The following TRHDE variants were observed in gnomAD, a reference collection of about 807,000 sequenced individuals.
TRHDE encodes thyrotropin releasing hormone degrading enzyme, also known as thyrotropin-releasing hormone-degrading ectoenzyme.
A neutral mutation model predicts 125.7 loss-of-function variants in TRHDE; 72 were observed. The ratio of observed to expected loss-of-function variants is 0.57; its 90% CI spans 0.47 to 0.70. The LOEUF is 0.70. Among genes scored for constraint, TRHDE ranks in the 30% least tolerant of loss-of-function variants. TRHDE has a pLI of 0.00. For synonymous variants in TRHDE, 509 were observed against 509.1 expected (o/e 1.00, Z 0.00); for missense variants, 1,110 against 1,327.1 (o/e 0.84, Z 2.54).
Position 72,652,309 on chromosome 12 carries a change from G to A in TRHDE, c.2676-13G>A. ...TTTAATTAACAGAAAACCACCATGGGTTGCTTCTTTAGAATACCACTAAAT... is the reference window on the plus strand; with the variant it reads ...TTTAATTAACAGAAAACCACCATGGATTGCTTCTTTAGAATACCACTAAAT... On this transcript the variant is annotated splice_polypyrimidine_tract_variant and intron_variant, in intron 15 of 18. Coordinates refer to ENST00000261180, the MANE Select transcript of TRHDE (RefSeq NM_013381.3). 1 of 1,414,564 alleles carries A rather than the reference G, an allele frequency of 7.1e-7. No individual in the cohort carries two copies. The highest frequency in any genetic ancestry group is 9.3e-7 in the Non-Finnish European group (1 of 1,074,502). 87.6% of individuals were successfully genotyped at this position (1,414,564 alleles called of 1,614,324 possible). A position where few individuals can be genotyped will look rare whatever the true frequency, so the allele number is the denominator to read the frequency against.
chr12:72,274,550 C>A (rs537839979), intron 1 of TRHDE: 56 of 152,264 alleles, frequency 3.7e-4, no homozygotes, highest in African/African-American at 1.3e-3. Context: ...GTGCTTATTG[C>A]ACGCCCATGT....
At chr12:72,634,705 T>A (rs1479305433) in intron 15 of TRHDE, among the ~76,000 whole-genome samples, 1 of 132,698 alleles carries the variant, frequency 7.5e-6, no homozygotes, top group Non-Finnish European at 1.5e-5. Context: ...CCTGTGTCCA[T>A]GTGTTCTCAT....
intron 3 of TRHDE, among the ~76,000 whole-genome samples, chr12:72,434,789 G>C (rs1282237028): frequency 1.3e-5 from 2 of 152,070 alleles, no homozygotes; most frequent in African/African-American, 4.8e-5. Context: ...CCTAATCTCT[G>C]TCCACTCCCA....
intron 2 of TRHDE, among the ~76,000 whole-genome samples, chr12:72,349,266 T>C (rs575090999): frequency 1.3e-5 from 2 of 152,128 alleles, no homozygotes; most frequent in African/African-American, 2.4e-5. Context: ...TGAATCATCA[T>C]AGAAATACAT....
At chr12:72,197,714 A>T (rs146200997) in intron 2 of TRHDE, among the ~76,000 whole-genome samples, 167 of 152,022 alleles carry the variant, frequency 1.1e-3, no homozygotes, top group African/African-American at 3.7e-3. Flanking sequence ...CAGGGTCTTG[A>T]TATTGTTCCC....
At chr12:72,589,573 G>C (rs1292068079) in intron 12 of TRHDE, among the ~76,000 whole-genome samples, 1 of 152,070 alleles carries the variant, frequency 6.6e-6, no homozygotes, top group Non-Finnish European at 1.5e-5. Flanking sequence ...TGTATGGGAA[G>C]GTCCTTAATT....
chr12:72,125,429 T>C (rs1875690157), intron 2 of TRHDE, among the ~76,000 whole-genome samples: 1 of 152,082 alleles, frequency 6.6e-6, no homozygotes, highest in Non-Finnish European at 1.5e-5. Context: ...CATGATAGAG[T>C]TGGTTATATT....
intron 15 of TRHDE, among the ~76,000 whole-genome samples, chr12:72,645,695 A>T (rs1019102062): frequency 6.6e-6 from 1 of 152,144 alleles, no homozygotes; most frequent in East Asian, 1.9e-4. Context: ...AAAAGTAAAA[A>T]AGAGAATTTT....
At chr12:72,220,943 A>T (rs57254861) in intron 2 of TRHDE, among the ~76,000 whole-genome samples, 1 of 152,104 alleles carries the variant, frequency 6.6e-6, no homozygotes, top group African/African-American at 2.4e-5. Context: ...TTATTTTTTT[A>T]AATGTATTAA....
At chr12:72,557,467 T>C (rs10784971) in intron 7 of TRHDE, among the ~76,000 whole-genome samples, 40,581 of 152,092 alleles carry the variant, frequency 0.27, 8,198 homozygotes, top group African/African-American at 0.54. Flanking sequence ...CACATGTAAA[T>C]GAATCCATAT....
intron 2 of TRHDE, among the ~76,000 whole-genome samples, chr12:72,187,506 T>TGGAGGA (rs948900502): frequency 2.8e-3 from 371 of 132,330 alleles, no homozygotes; most frequent in African/African-American, 8.4e-3. Context: ...GTGGTGGTGG[T>TGGAGGA]GGAGGAGGAG....
intron 3 of TRHDE, among the ~76,000 whole-genome samples, chr12:72,381,308 A>T (rs2135780473): frequency 1.3e-5 from 2 of 152,320 alleles, no homozygotes; most frequent in Middle Eastern, 6.8e-3. Context: ...ATTCAGACAA[A>T]ATATGATGGA....
intron 6 of TRHDE, among the ~76,000 whole-genome samples, chr12:72,502,578 A>C (rs1251384225): frequency 1.3e-5 from 2 of 151,990 alleles, no homozygotes; most frequent in Non-Finnish European, 2.9e-5. Context: ...CCATAAGTTG[A>C]TATGTGTTGG....
At chr12:72,609,402 C>T (rs944176669) in intron 12 of TRHDE, among the ~76,000 whole-genome samples, 5 of 152,122 alleles carry the variant, frequency 3.3e-5, no homozygotes, top group African/African-American at 9.7e-5. Flanking sequence ...ATTTGAATAA[C>T]ATGCAAAAAA....
At chr12:72,160,783 A>G (rs866479058) in intron 2 of TRHDE, among the ~76,000 whole-genome samples, 113 of 152,144 alleles carry the variant, frequency 7.4e-4, no homozygotes, top group African/African-American at 2.5e-3. Flanking sequence ...AATGGTTTAG[A>G]TATGTTTCCC....
At position 72,621,180 on chromosome 12, in the gene TRHDE, C is replaced by G; in HGVS notation, c.2542C>G (p.Leu848Val). The change falls in exon 14 of 19, where the codon CTT (leucine) becomes GTT (valine). Residue 848 changes from leucine (L) to valine (V), a missense_variant. By Grantham distance (32) the Leu-to-Val change is conservative. Coordinates refer to ENST00000261180, the MANE Select transcript of TRHDE (RefSeq NM_013381.3). ...GWPKNNFNGS[L>V]VQASYQHEEL... is the part of the protein sequence containing the mutation. The stretch of plus-strand genomic sequence containing the variant: ...GCCGAAAAATAATTTTAATGGATCT[C>G]TTGTTCAAGCATCCTACCAACATGA... The G allele has an allele frequency of 6.2e-7, 1 of 1,611,350 alleles. No individual in the cohort carries two copies. The highest frequency in any genetic ancestry group is 8.5e-7 in the Non-Finnish European group (1 of 1,177,974).
chr12:72,661,694 G>A (rs918077162), intron 18 of TRHDE, among the ~76,000 whole-genome samples: 1 of 151,906 alleles, frequency 6.6e-6, no homozygotes, highest in African/African-American at 2.4e-5. Context: ...CTATCCCCAT[G>A]GCACAATGTC....
In TRHDE at chr12:72,664,400, C is replaced by A. The variant is rs1875037181; in HGVS notation, c.*1205C>A. On this transcript the variant is annotated 3_prime_UTR_variant, in exon 19 of 19. Transcript: ENST00000261180. The stretch of plus-strand genomic sequence containing the variant: ...AAGTGGGTCTATTAGCATTTAATGA[C>A]CTTTTGTGCCAGTTGTGCCATCCCT... The A allele has an allele frequency of 6.6e-6, 1 of 152,446 alleles. No homozygotes were observed. The highest frequency in any genetic ancestry group is 2.4e-5 in the African/African-American group (1 of 41,406). 9.4% of individuals were successfully genotyped at this position (152,446 alleles called of 1,614,324 possible).
At chr12:72,548,808 T>C (rs535113011) in intron 7 of TRHDE, among the ~76,000 whole-genome samples, 2 of 151,874 alleles carry the variant, frequency 1.3e-5, no homozygotes, top group Admixed American at 6.6e-5. Flanking sequence ...TTTTAATGAT[T>C]TGAGCCTAGT....
Sources: gnomAD v4.1 joint callset for allele counts (sites outside exome capture counted in the v4.1 genomes callset) on GRCh38, gnomAD v4.1.1 for gene constraint, MANE v1.5 for transcripts, NCBI Gene and HGNC (gene_info 2026-07-23, HGNC 2026-07-21) for gene names.